Variants in DDX20 observed in about 807,000 individuals in gnomAD.
DDX20 encodes the protein DEAD-box helicase 20, also known as probable ATP-dependent RNA helicase DDX20.
A neutral mutation model predicts 76.4 loss-of-function variants in DDX20; 61 were observed. The ratio of observed to expected loss-of-function variants is 0.80; its 90% CI spans 0.65 to 0.99. The LOEUF (loss-of-function observed/expected upper bound fraction) is 0.99, where lower values mean the gene tolerates loss of function less well. DDX20 is among the 50% of genes least tolerant of loss of function. The probability of loss-of-function intolerance (pLI) is 0.00; values close to 1 mark genes in which losing one functional copy is unlikely to be tolerated. For synonymous variants in DDX20, 357 were observed against 357.4 expected (o/e 1.00, Z 0.01); for missense variants, 976 against 996.8 (o/e 0.98, Z 0.28).
intron 9 of DDX20, 39 bp from the exon 10 acceptor site, chr1:111,762,867 T>C: frequency 1.3e-6 from 2 of 1,598,638 alleles, no homozygotes; most frequent in African/African-American, 2.7e-5. Flanking sequence ...ATTATTTTTG[T>C]GAAAATGATT....
chr1:111,756,563 C>T (rs995291011), intron 1 of DDX20, 83 bp from the exon 2 acceptor site: 1 of 1,181,434 alleles, frequency 8.5e-7, no homozygotes, highest in Admixed American at 1.9e-5. Context: ...CTCAGGAGAC[C>T]CTTCTAGTTC....
chr1:111,767,711 T>C lies in DDX20; in HGVS notation c.*812T>C, dbSNP rs2101429434. Reference sequence around the variant, plus strand: ...TTCTCATTCCATAAGCACAGAATTGTGAGTGTAATTTCAAGGGGTTCATAG... The same window carrying C: ...TTCTCATTCCATAAGCACAGAATTGCGAGTGTAATTTCAAGGGGTTCATAG... On this transcript the variant is annotated 3_prime_UTR_variant, in exon 11 of 11. Transcript: ENST00000369702. 1 of 152,316 alleles carries C rather than the reference T, an allele frequency of 6.6e-6. No homozygotes were observed. The highest frequency in any genetic ancestry group is 2.1e-4 in the South Asian group (1 of 4,828). 9.4% of individuals were successfully genotyped at this position (152,316 alleles called of 1,614,324 possible).
intron 2 of DDX20, among the ~76,000 whole-genome samples, chr1:111,758,088 C>T (rs1284115755): frequency 1.3e-5 from 2 of 150,260 alleles, no homozygotes; most frequent in Admixed American, 6.6e-5. Flanking sequence ...AAACTCCTGA[C>T]CTCAGGTAAT....
intron 10 of DDX20, among the ~76,000 whole-genome samples, chr1:111,764,232 A>T (rs2101424266): frequency 6.6e-6 from 1 of 152,220 alleles, no homozygotes; most frequent in South Asian, 2.1e-4. Context: ...GCAGTGAGCC[A>T]AGATCCGCCA....
At chr1:111,763,572 CA>C (rs372268470) in intron 10 of DDX20, among the ~76,000 whole-genome samples, 216 of 98,670 alleles carry the variant, frequency 2.2e-3, no homozygotes, top group Admixed American at 2.1e-3. Flanking sequence ...AACTCCGTCT[CA>C]AAAAAAAAAA....
intron 8 of DDX20, 121 bp downstream of exon 8, chr1:111,762,458 A>T: frequency 1.1e-6 from 1 of 903,804 alleles, no homozygotes; most frequent in Non-Finnish European, 1.7e-6. Context: ...GAAGATAATT[A>T]TCTTTCCAGT....
chr1:111,765,912 T>A lies in DDX20; in HGVS notation c.1488T>A (p.Ser496=). The A allele has an allele frequency of 6.2e-7, 1 of 1,613,916 alleles. No homozygotes were observed. Among genetic ancestry groups the A allele is most frequent in the Non-Finnish European group, 8.5e-7 (1 of 1,179,974 alleles). ...CTCATGGTGACCACATGGCTTCCTC[T>A]AGAAATAATTCTGTATCTGGACTAT... is the stretch of plus-strand genomic sequence containing the variant. ...QKAHGDHMAS[S]RNNSVSGLSV... is the part of the protein sequence containing the mutation. Residue 496 remains serine (S), a synonymous_variant, in exon 11 of 11, where the codon TCT becomes TCA. Transcript: ENST00000369702.
At position 111,755,929 on chromosome 1, in the gene DDX20, C is replaced by T. The variant is rs368179651; in HGVS notation, c.5C>T (p.Ala2Val). The T allele has an allele frequency of 6.4e-7, 1 of 1,570,950 alleles. No homozygotes were observed. The highest frequency in any genetic ancestry group is 8.7e-7 in the Non-Finnish European group (1 of 1,154,072). ...AGATCTGACGGCGCGGCTACCATGG[C>T]GGCGGCATTTGAAGCCTCGGGAGCC... is the stretch of plus-strand genomic sequence containing the variant. M[A>V]AAFEASGALA... The change falls in exon 1 of 11, where the codon GCG becomes GTG. Residue 2 changes from alanine to valine, a missense_variant. By Grantham distance (64) the Ala-to-Val change is moderately conservative. This residue lies in a region of DDX20 where 343 missense variants were observed against 286.4 expected (regional missense o/e 1.20). Transcript: ENST00000369702.
chr1:111,765,253 T>C (rs197410), intron 10 of DDX20, among the ~76,000 whole-genome samples: 28,872 of 152,174 alleles, frequency 0.19, 3,773 homozygotes, highest in African/African-American at 0.37. Context: ...TTCTCTTTAT[T>C]GTTAAGGGCA....
At chr1:111,761,170 G>T in intron 6 of DDX20, 45 bp downstream of exon 6, 1 of 1,611,642 alleles carries the variant, frequency 6.2e-7, no homozygotes, top group East Asian at 2.2e-5. Context: ...TGAAATAAAA[G>T]GATAGTCATG....
intron 5 of DDX20, 56 bp downstream of exon 5, chr1:111,760,904 T>C (rs984322262): frequency 1.1e-5 from 18 of 1,596,690 alleles, no homozygotes; most frequent in Non-Finnish European, 1.5e-5. Context: ...ATGCTGGAGC[T>C]TTCCCTTGCC....
rs1176371164 is a variant in DDX20 at position 111,756,030 on chromosome 1, C to A, written c.106C>A (p.Pro36Thr). 1 of 1,609,824 alleles carries A rather than the reference C, an allele frequency of 6.2e-7. No individual in the cohort carries two copies. The highest frequency in any genetic ancestry group is 2.2e-5 in the East Asian group (1 of 44,788). The change falls in exon 1 of 11, where the codon CCT becomes ACT. Residue 36 changes from proline to threonine, a missense_variant. Physicochemically the swap from Pro to Thr is conservative, Grantham distance 38 (BLOSUM62 -1). This residue lies in a region of DDX20 where 343 missense variants were observed against 286.4 expected (regional missense o/e 1.20). Coordinates refer to ENST00000369702, the MANE Select transcript of DDX20 (RefSeq NM_007204.5). Reference sequence around the variant, plus strand: ...CCCGGCCCCAGAGCCAACACCCGGGCCTGTGAGGATCCTGCGGACCGCTCA... The same window carrying A: ...CCCGGCCCCAGAGCCAACACCCGGGACTGTGAGGATCCTGCGGACCGCTCA... The part of the protein sequence containing the change: ...QVPAPEPTPG[P>T]VRILRTAQDL...
chr1:111,766,441 T>C lies in DDX20; in HGVS notation c.2017T>C (p.Tyr673His), dbSNP rs780580646. Residue 673 changes from tyrosine (Y) to histidine (H), a missense_variant, in exon 11 of 11, where the codon TAC (tyrosine) becomes CAC (histidine). This residue lies in a region of DDX20 where 630 missense variants were observed against 693.7 expected (regional missense o/e 0.91). Transcript: ENST00000369702. The part of the protein sequence containing the change: ...TSSQSKGNKS[Y>H]LEGSSDNQLK... ...TTCCCAGAGCAAAGGAAATAAGTCA[T>C]ACTTGGAAGGCTCTTCTGATAATCA... is the stretch of plus-strand genomic sequence containing the variant. 6.2e-7 allele frequency: 1 copy of C among 1,614,172 alleles called. No individual in the cohort carries two copies. The highest frequency in any genetic ancestry group is 8.5e-7 in the Non-Finnish European group (1 of 1,180,016).
intron 7 of DDX20, 58 bp from the exon 8 acceptor site, chr1:111,762,197 G>T: frequency 7.2e-7 from 1 of 1,390,684 alleles, no homozygotes. Context: ...TTTGTGGATT[G>T]GATAAATATG....
intron 2 of DDX20, among the ~76,000 whole-genome samples, chr1:111,758,874 G>A (rs1663617044): frequency 6.6e-6 from 1 of 152,188 alleles, no homozygotes. Context: ...CCGGCAACTA[G>A]TATGTTGCCT....
At chr1:111,763,037 A>G in intron 10 of DDX20, 30 bp downstream of exon 10, 1 of 1,510,322 alleles carries the variant, frequency 6.6e-7, no homozygotes, top group South Asian at 1.1e-5. Context: ...TTATTTCAAA[A>G]TAATTATAGT....
Position 111,762,940 on chromosome 1 carries a change from G to C in DDX20, c.1245G>C (p.Arg415=). ...GGCTGACAGTGACCTACTGTTGCCG[G>C]GGAGAGGAAGAAAATATGATGATGA... The part of the protein sequence containing the change: ...TLGLTVTYCC[R]GEEENMMMRI... The change falls in exon 10 of 11, where the codon CGG becomes CGC. Residue 415 remains arginine (R), a synonymous_variant. Coordinates refer to ENST00000369702, the MANE Select transcript of DDX20 (RefSeq NM_007204.5). 6.2e-7 allele frequency: 1 copy of C among 1,614,076 alleles called. No homozygotes were observed. The highest frequency in any genetic ancestry group is 8.5e-7 in the Non-Finnish European group (1 of 1,179,976).
chr1:111,760,395 T>G (rs1480702344), intron 3 of DDX20, 79 bp from the exon 4 acceptor site: 2 of 975,482 alleles, frequency 2.1e-6, no homozygotes, highest in Non-Finnish European at 3.1e-6. Context: ...CTGTAAGTAA[T>G]AAGTAGAGTA....
Position 111,765,831 on chromosome 1 carries a change from C to CT in DDX20, c.1407_1408insT (p.Gln470SerfsTer22). 6.2e-7 allele frequency: 1 copy of CT among 1,614,076 alleles called. No individual in the cohort carries two copies. The highest frequency in any genetic ancestry group is 8.5e-7 in the Non-Finnish European group (1 of 1,179,996). ...CATATGGTATAGCAAGTGTACCTAA[C>CT]CAACCCTTAAAAAAGCAAATTCAGA... is the stretch of plus-strand genomic sequence containing the variant. On this transcript the variant is annotated frameshift_variant, in exon 11 of 11. Coordinates refer to ENST00000369702, the MANE Select transcript of DDX20 (RefSeq NM_007204.5). LOFTEE classifies it high-confidence loss of function.
Sources: allele counts gnomAD v4.1 joint callset (sites outside exome capture counted in the v4.1 genomes callset), GRCh38; gene constraint gnomAD v4.1.1; regional missense constraint gnomAD v4.1.1; transcripts MANE v1.5; gene names NCBI Gene and HGNC (gene_info 2026-07-23, HGNC 2026-07-21).